The following GALR1 variants were observed in gnomAD, a reference collection of about 807,000 sequenced individuals.
GALR1 encodes the protein galanin receptor 1.
In GALR1, 11 loss-of-function variants were observed where a neutral mutation model predicts 17.9. That is an observed-to-expected ratio of 0.62 (90% CI 0.39 to 1.02). The LOEUF is 1.02. GALR1 is among the 50% of genes least tolerant of loss of function. The pLI is 0.01. For synonymous variants in GALR1, 206 were observed against 205.7 expected, an observed-to-expected ratio of 1.00 and a Z score of -0.01; for missense variants, 441 against 456.9, an observed-to-expected ratio of 0.97 and a Z score of 0.32.
chr18:77,275,148 A>G lies in GALR1; in HGVS notation c.*6246A>G, dbSNP rs1414348009. 6.6e-6 allele frequency: 1 copy of G among 152,238 alleles called. No homozygotes were observed. The highest frequency in any genetic ancestry group is 1.5e-5 in the Non-Finnish European group (1 of 68,062). 9.4% of individuals were successfully genotyped at this position (152,238 alleles called of 1,614,324 possible). ...GCATGTGGCCTCCTGAGGGCCTTGCATGGGGTTCTGGACCCAGCGGGGGCC... is the reference window on the plus strand; with the variant it reads ...GCATGTGGCCTCCTGAGGGCCTTGCGTGGGGTTCTGGACCCAGCGGGGGCC... On this transcript the variant is annotated 3_prime_UTR_variant, in exon 3 of 3. Transcript: ENST00000299727.
intron 2 of GALR1, among the ~76,000 whole-genome samples, chr18:77,264,531 G>A (rs1056226972): frequency 5.9e-5 from 9 of 152,150 alleles, no homozygotes; most frequent in Admixed American, 2.0e-4. Flanking sequence ...GTGATGGGAA[G>A]GCCAGGGGAG....
At chr18:77,262,332 G>A (rs963594185) in intron 2 of GALR1, among the ~76,000 whole-genome samples, 4 of 152,110 alleles carry the variant, frequency 2.6e-5, no homozygotes, top group Non-Finnish European at 4.4e-5. Context: ...AACTTTGAGC[G>A]TGTCTATGCT....
chr18:77,257,300 T>C (rs1484498233), intron 2 of GALR1, among the ~76,000 whole-genome samples: 1 of 152,012 alleles, frequency 6.6e-6, no homozygotes, highest in African/African-American at 2.4e-5. Flanking sequence ...CAGCAAAAAA[T>C]TAGCTTATGT....
At position 77,276,994 on chromosome 18, in the gene GALR1, G is replaced by T. The variant is rs947636981; in HGVS notation, c.*8092G>T. Reference sequence around the variant, plus strand: ...CAATTTGTTTCCCTCAAATGCTAAGGGTTAAAATAGTACTCAAAATTGTTA... The same window carrying T: ...CAATTTGTTTCCCTCAAATGCTAAGTGTTAAAATAGTACTCAAAATTGTTA... On this transcript the variant is annotated 3_prime_UTR_variant, in exon 3 of 3. Coordinates refer to ENST00000299727, the MANE Select transcript of GALR1 (RefSeq NM_001480.4). 3 of 152,084 alleles carry T rather than the reference G, an allele frequency of 2.0e-5. No homozygotes were observed. The highest frequency in any genetic ancestry group is 7.2e-5 in the African/African-American group (3 of 41,398). The allele number at this position is 152,084 out of a possible 1,614,324, so 9.4% of individuals were successfully genotyped here. A position where few individuals can be genotyped will look rare whatever the true frequency, so the allele number is the denominator to read the frequency against.
chr18:77,252,932 CCACCACCACCACCACCATCACCACCAT>C (rs1568139098), intron 1 of GALR1, among the ~76,000 whole-genome samples: 9 of 40,896 alleles, frequency 2.2e-4, no homozygotes, highest in Non-Finnish European at 3.7e-4. Context: ...ATCACCACCA[CCACCACCACCACCACCATCACCACCAT>C]CACCACCACC....
chr18:77,267,139 G>A (rs918765950), intron 2 of GALR1, among the ~76,000 whole-genome samples: 24 of 152,212 alleles, frequency 1.6e-4, no homozygotes, highest in African/African-American at 5.5e-4. Flanking sequence ...TCGAACAGAG[G>A]AGGCTGGGGA....
In GALR1 at chr18:77,273,868, T is replaced by G. The variant is rs1356494483; in HGVS notation, c.*4966T>G. On this transcript the variant is annotated 3_prime_UTR_variant, in exon 3 of 3. Coordinates refer to ENST00000299727, the MANE Select transcript of GALR1 (RefSeq NM_001480.4). ...GGAGAAGAGATTTCTCAGGCCAAGTTGTGTAGCTCCAAATTCTCCGCAATT... is the reference window on the plus strand; with the variant it reads ...GGAGAAGAGATTTCTCAGGCCAAGTGGTGTAGCTCCAAATTCTCCGCAATT... 6.6e-6 allele frequency: 1 copy of G among 152,136 alleles called. No homozygotes were observed. The highest frequency in any genetic ancestry group is 1.5e-5 in the Non-Finnish European group (1 of 68,030). The allele number at this position is 152,136 out of a possible 1,614,324, so 9.4% of individuals were successfully genotyped here. A position where few individuals can be genotyped will look rare whatever the true frequency, so the allele number is the denominator to read the frequency against.
intron 2 of GALR1, among the ~76,000 whole-genome samples, chr18:77,263,658 C>G (rs954440440): frequency 1.3e-5 from 2 of 152,156 alleles, no homozygotes; most frequent in Admixed American, 1.3e-4. Flanking sequence ...TCTAGCCCTC[C>G]CTCTACTCTC....
At chr18:77,251,338 C>T in intron 1 of GALR1, 124 bp downstream of exon 1, 2 of 1,394,760 alleles carry the variant, frequency 1.4e-6, no homozygotes, top group Non-Finnish European at 1.9e-6. Context: ...GTGGTCCCCA[C>T]TCTGGCGGCG....
chr18:77,256,514 T>A (rs1001549933), intron 2 of GALR1, among the ~76,000 whole-genome samples: 1 of 107,322 alleles, frequency 9.3e-6, no homozygotes, highest in African/African-American at 2.7e-5. Context: ...TGCACTTAGG[T>A]TGACTGAGAC....
chr18:77,252,854 A>ACAC (rs1217118933), intron 1 of GALR1, among the ~76,000 whole-genome samples: 4,380 of 52,060 alleles, frequency 0.084, 332 homozygotes, highest in East Asian at 0.22. Context: ...CTGTCTCAAA[A>ACAC]CACCACCACC....
Position 77,269,947 on chromosome 18 carries a change from G to A in GALR1, c.*1045G>A, listed in dbSNP as rs1342976799. 4 of 152,120 alleles carry A rather than the reference G, an allele frequency of 2.6e-5. No individual in the cohort carries two copies. The highest frequency in any genetic ancestry group is 5.9e-5 in the Non-Finnish European group (4 of 68,014). 9.4% of individuals were successfully genotyped at this position (152,120 alleles called of 1,614,324 possible). On this transcript the variant is annotated 3_prime_UTR_variant, in exon 3 of 3. Coordinates refer to ENST00000299727, the MANE Select transcript of GALR1 (RefSeq NM_001480.4). Reference sequence around the variant, plus strand: ...CTGGGGTATCCTATCTTGTACAAATGCATGCTTTTTCATTAAATTTGTAAT... The same window carrying A: ...CTGGGGTATCCTATCTTGTACAAATACATGCTTTTTCATTAAATTTGTAAT...
rs1181722688 is a variant in GALR1, at chr18:77,251,142, G to A, written c.594G>A (p.Lys198=). Residue 198 remains lysine, a synonymous_variant, in exon 1 of 3, where the codon AAG becomes AAA. Transcript: ENST00000299727. ...WEQWPDPRHK[K]AYVVCTFVFG... ...AGTGGCCCGACCCTCGCCACAAGAA[G>A]GCCTACGTGGTGTGCACCTTCGTCT... The A allele has an allele frequency of 1.7e-5, 28 of 1,612,972 alleles. No individual in the cohort carries two copies. The highest frequency in any genetic ancestry group is 2.2e-5 in the Non-Finnish European group (26 of 1,179,908).
intron 1 of GALR1, among the ~76,000 whole-genome samples, chr18:77,255,179 G>A (rs546473798): frequency 6.6e-6 from 1 of 152,180 alleles, no homozygotes; most frequent in South Asian, 2.1e-4. Flanking sequence ...AGTCGCCCTG[G>A]GGCTAGATTT....
intron 2 of GALR1, 84 bp downstream of exon 2, chr18:77,256,307 C>A: frequency 1.3e-6 from 1 of 775,388 alleles, no homozygotes; most frequent in Non-Finnish European, 2.2e-6. Context: ...CACGTCCATC[C>A]AAAGCCTGTA....
At chr18:77,257,626 C>A (rs565002886) in intron 2 of GALR1, among the ~76,000 whole-genome samples, 1 of 152,342 alleles carries the variant, frequency 6.6e-6, no homozygotes, top group African/African-American at 2.4e-5. Flanking sequence ...ATTTCTAAGA[C>A]AATGGTTCTT....
Position 77,276,044 on chromosome 18 carries a change from G to A in GALR1, c.*7142G>A, listed in dbSNP as rs1568146443. On this transcript the variant is annotated 3_prime_UTR_variant, in exon 3 of 3. Transcript: ENST00000299727. Reference sequence around the variant, plus strand: ...TTAGTCATTCCATTGAAGTGAAATTGGATTATAATTTAGAAATATTTATAA... The same window carrying A: ...TTAGTCATTCCATTGAAGTGAAATTAGATTATAATTTAGAAATATTTATAA... 1.0e-5 allele frequency: 1 copy of A among 95,948 alleles called. No homozygotes were observed. The highest frequency in any genetic ancestry group is 2.9e-5 in the Non-Finnish European group (1 of 34,532). The allele number at this position is 95,948 out of a possible 1,614,324, so 5.9% of individuals were successfully genotyped here. A position where few individuals can be genotyped will look rare whatever the true frequency, so the allele number is the denominator to read the frequency against.
intron 2 of GALR1, 40 bp from the exon 3 acceptor site, chr18:77,268,545 T>C: frequency 9.8e-7 from 1 of 1,015,936 alleles, no homozygotes. Flanking sequence ...CCTTACCGCC[T>C]CCTCCTCCTC....
chr18:77,271,935 T>G lies in GALR1; in HGVS notation c.*3033T>G, dbSNP rs1264534034. 1 of 152,216 alleles carries G rather than the reference T, an allele frequency of 6.6e-6. No individual in the cohort carries two copies. Among genetic ancestry groups the G allele is most frequent in the East Asian group, 1.9e-4 (1 of 5,200 alleles). The allele number at this position is 152,216 out of a possible 1,614,324, so 9.4% of individuals were successfully genotyped here. On this transcript the variant is annotated 3_prime_UTR_variant, in exon 3 of 3. Transcript: ENST00000299727. ...CTATATCCTGGGGATAGGAAACAGATTCTCTGTGCTCTTCTGACCGGGTAT... is the reference window on the plus strand; with the variant it reads ...CTATATCCTGGGGATAGGAAACAGAGTCTCTGTGCTCTTCTGACCGGGTAT...
Sources: allele counts gnomAD v4.1 joint callset (sites outside exome capture counted in the v4.1 genomes callset), GRCh38; gene constraint gnomAD v4.1.1; transcripts MANE v1.5; gene names NCBI Gene and HGNC (gene_info 2026-07-23, HGNC 2026-07-21).